TENM3: variants seen among roughly 807,000 people sequenced by gnomAD.
TENM3 encodes teneurin-3.
TENM3 carries 63 observed loss-of-function variants against 255.1 expected under a neutral mutation model. That is an observed-to-expected ratio of 0.25 (90% CI 0.20 to 0.30). The LOEUF is 0.30. Among genes scored for constraint, TENM3 ranks in the 10% least tolerant of loss-of-function variants. TENM3 has a pLI of 1.00. For synonymous variants in TENM3, 1,306 were observed against 1,322.3 expected (o/e 0.99, Z 0.27); for missense variants, 2,929 against 3,461.1 (o/e 0.85, Z 3.86).
At chr4:182,184,168 A>G (rs890386016) in intron 1 of TENM3, among the ~76,000 whole-genome samples, 2 of 152,184 alleles carry the variant, frequency 1.3e-5, no homozygotes, top group African/African-American at 2.4e-5. Flanking sequence ...TTTGTACAAC[A>G]AAGATTTTTA....
At chr4:182,280,942 T>C (rs999721987) in intron 1 of TENM3, among the ~76,000 whole-genome samples, 6 of 152,210 alleles carry the variant, frequency 3.9e-5, no homozygotes, top group African/African-American at 1.4e-4. Context: ...ACCACTAGAC[T>C]AGATACTTCT....
the TENM3 span, among the ~76,000 whole-genome samples, chr4:181,619,676 G>C: frequency 6.6e-6 from 1 of 151,750 alleles, no homozygotes; most frequent in East Asian, 2.0e-4. Context: ...CAATCCTCTC[G>C]CCTCAGCCTC....
chr4:181,597,798 AG>A, the TENM3 span, among the ~76,000 whole-genome samples: 1 of 152,204 alleles, frequency 6.6e-6, no homozygotes, highest in Non-Finnish European at 1.5e-5. Flanking sequence ...TCAGTAATTC[AG>A]CTCCAGAGTT....
chr4:181,650,247 C>G, the TENM3 span, among the ~76,000 whole-genome samples: 1 of 152,114 alleles, frequency 6.6e-6, no homozygotes, highest in East Asian at 1.9e-4. Flanking sequence ...AGCAAACTTG[C>G]CTTTGTAATC....
At chr4:182,721,064 G>C (rs375687852) in intron 13 of TENM3, among the ~76,000 whole-genome samples, 3 of 152,024 alleles carry the variant, frequency 2.0e-5, no homozygotes, top group Admixed American at 6.6e-5. Context: ...CACCACGCCC[G>C]GCCTAAAAGT....
chr4:182,433,448 G>A (rs944562549), intron 3 of TENM3, among the ~76,000 whole-genome samples: 1 of 152,162 alleles, frequency 6.6e-6, no homozygotes, highest in Non-Finnish European at 1.5e-5. Context: ...AACCTTGGAA[G>A]ATGGCAGTGA....
the TENM3 span, among the ~76,000 whole-genome samples, chr4:181,734,291 G>T: frequency 2.2e-4 from 33 of 151,826 alleles, no homozygotes; most frequent in East Asian, 6.2e-3. Flanking sequence ...TGAGGGCAGG[G>T]TCCTCATCTG....
the TENM3 span, among the ~76,000 whole-genome samples, chr4:181,936,972 A>T: frequency 6.6e-6 from 1 of 152,218 alleles, no homozygotes; most frequent in Non-Finnish European, 1.5e-5. Context: ...GAAAGCAAGC[A>T]GTGTGTTGTT....
At chr4:181,796,297 T>A in the TENM3 span, among the ~76,000 whole-genome samples, 12 of 152,316 alleles carry the variant, frequency 7.9e-5, no homozygotes, top group African/African-American at 2.6e-4. Flanking sequence ...ACAAGTGCCC[T>A]GTCCTCACTA....
chr4:182,467,826 G>C (rs899376305), intron 3 of TENM3, among the ~76,000 whole-genome samples: 1 of 152,182 alleles, frequency 6.6e-6, no homozygotes, highest in Non-Finnish European at 1.5e-5. Flanking sequence ...TAATTAGAGT[G>C]TTAGAGTGGT....
chr4:182,059,811 T>C, the TENM3 span, among the ~76,000 whole-genome samples: 1 of 150,054 alleles, frequency 6.7e-6, no homozygotes. Flanking sequence ...TGCACACCTG[T>C]AGTCCCAGCT....
At position 182,746,886 on chromosome 4, in the gene TENM3, T is replaced by C. The variant is rs184978937; in HGVS notation, c.3629+3467T>C. On this transcript the variant is annotated intron_variant, in intron 19 of 27. Coordinates refer to ENST00000511685, the MANE Select transcript of TENM3 (RefSeq NM_001080477.4). ...AAACATGATCATGTCATTGATAAAA[T>C]AGGGATTCCATTTGCTTAGTAAGTA... 5.9e-5 allele frequency among the ~76,000 whole-genome samples: 9 copies of C among 152,296 alleles called. No individual in the cohort carries two copies. The East Asian group carries it at 1.4e-3, about 23-fold the overall frequency.
chr4:181,639,910 G>T, the TENM3 span, among the ~76,000 whole-genome samples: 13 of 152,286 alleles, frequency 8.5e-5, no homozygotes, highest in East Asian at 2.3e-3. Flanking sequence ...GTGTGTGGGC[G>T]TATGGGCTGG....
At chr4:182,528,498 A>G (rs1460428403) in intron 3 of TENM3, among the ~76,000 whole-genome samples, 1 of 152,224 alleles carries the variant, frequency 6.6e-6, no homozygotes, top group Non-Finnish European at 1.5e-5. Flanking sequence ...TCTCTGATCT[A>G]TGTATGTGTT....
intron 3 of TENM3, among the ~76,000 whole-genome samples, chr4:182,569,240 G>A (rs1744097020): frequency 6.6e-6 from 1 of 152,176 alleles, no homozygotes; most frequent in African/African-American, 2.4e-5. Flanking sequence ...CTTAAATGCA[G>A]TGGCTCAAGT....
chr4:182,005,348 T>G, the TENM3 span, among the ~76,000 whole-genome samples: 1 of 152,176 alleles, frequency 6.6e-6, no homozygotes, highest in South Asian at 2.1e-4. Flanking sequence ...TTGCTTGTTT[T>G]TGTCAGGTTT....
At chr4:182,331,272 G>T (rs1302435650) in intron 2 of TENM3, among the ~76,000 whole-genome samples, 1 of 152,122 alleles carries the variant, frequency 6.6e-6, no homozygotes, top group Non-Finnish European at 1.5e-5. Flanking sequence ...TTGGCCGGGT[G>T]CGGTGGCTTA....
chr4:181,801,695 T>TAA, the TENM3 span, among the ~76,000 whole-genome samples: 6 of 125,910 alleles, frequency 4.8e-5, no homozygotes, highest in African/African-American at 1.9e-4. Context: ...TATATATATA[T>TAA]ATGCAACAAT....
the TENM3 span, among the ~76,000 whole-genome samples, chr4:181,728,661 A>C: frequency 6.6e-6 from 1 of 152,104 alleles, no homozygotes; most frequent in Non-Finnish European, 1.5e-5. Context: ...TTGGCTTGTG[A>C]AGGTTTTGGC....
Sources: gnomAD v4.1 joint callset for allele counts (sites outside exome capture counted in the v4.1 genomes callset) on GRCh38, gnomAD v4.1.1 for gene constraint, MANE v1.5 for transcripts, NCBI Gene and HGNC (gene_info 2026-07-23, HGNC 2026-07-21) for gene names.